ULK4: variants seen among roughly 807,000 people sequenced by gnomAD.
The protein encoded by ULK4 is unc-51 like kinase 4.
ULK4 carries 133 observed loss-of-function variants against 160.6 expected under a neutral mutation model. The observed-to-expected ratio is 0.83, with a 90% CI of 0.72 to 0.96. The LOEUF (loss-of-function observed/expected upper bound fraction) is 0.96. Ranked by LOEUF, ULK4 falls within the 40% of genes least tolerant of loss-of-function variation. The pLI is 0.00. For missense variants in ULK4, 1,580 were observed against 1,499.5 expected (o/e 1.05, Z -0.89); for synonymous variants, 534 against 539.8 (o/e 0.99, Z 0.15).
At chr3:41,760,246 T>C (rs1369611979) in intron 21 of ULK4, among the ~76,000 whole-genome samples, 4 of 152,126 alleles carry the variant, frequency 2.6e-5, no homozygotes, top group African/African-American at 9.6e-5. Context: ...TATGAGCTTA[T>C]TAGAATGACT....
At chr3:41,573,274 G>T (rs2088066590) in intron 31 of ULK4, among the ~76,000 whole-genome samples, 1 of 152,170 alleles carries the variant, frequency 6.6e-6, no homozygotes, top group Non-Finnish European at 1.5e-5. Context: ...AAAACTAATT[G>T]CTTCAGTGCT....
intron 32 of ULK4, among the ~76,000 whole-genome samples, chr3:41,518,731 GA>G (rs1559668677): frequency 6.6e-6 from 1 of 152,116 alleles, no homozygotes; most frequent in Admixed American, 6.5e-5. Context: ...TCAGTTAAGG[GA>G]AAAAAGAGTG....
chr3:41,774,382 A>T, intron 21 of ULK4, among the ~76,000 whole-genome samples: 1 of 150,392 alleles, frequency 6.6e-6, no homozygotes, highest in Non-Finnish European at 1.5e-5. Flanking sequence ...ACAAGAAAAA[A>T]CCAAACAACC....
intron 17 of ULK4, among the ~76,000 whole-genome samples, chr3:41,840,565 A>G (rs2041884269): frequency 6.6e-6 from 1 of 152,254 alleles, no homozygotes; most frequent in Admixed American, 6.5e-5. Flanking sequence ...TGGAGGAGAC[A>G]GGGTTTTGCC....
chr3:41,640,657 A>G (rs751728555), intron 30 of ULK4, among the ~76,000 whole-genome samples: 4 of 152,206 alleles, frequency 2.6e-5, no homozygotes, highest in Non-Finnish European at 5.9e-5. Context: ...TAATGAGCAG[A>G]TAATAAAATA....
intron 22 of ULK4, among the ~76,000 whole-genome samples, chr3:41,736,054 G>C (rs1031613328): frequency 5.9e-5 from 9 of 151,514 alleles, no homozygotes; most frequent in South Asian, 2.1e-4. Context: ...GTATTCCATG[G>C]TGTATATGTG....
chr3:41,577,161 T>C (rs2088218932), intron 31 of ULK4, among the ~76,000 whole-genome samples: 1 of 152,132 alleles, frequency 6.6e-6, no homozygotes. Context: ...AAAGCTAAAA[T>C]TTTAAAGAAT....
At chr3:41,455,358 C>T (rs1398039450) in intron 34 of ULK4, 139 bp downstream of exon 34, 19 of 726,212 alleles carry the variant, frequency 2.6e-5, no homozygotes, top group Non-Finnish European at 4.0e-5. Flanking sequence ...TTTTCCAGGC[C>T]AAATAATCTT....
chr3:41,409,212 C>A (rs528800785), intron 34 of ULK4, among the ~76,000 whole-genome samples: 1 of 152,190 alleles, frequency 6.6e-6, no homozygotes, highest in Middle Eastern at 3.4e-3. Context: ...GTGGAGATCA[C>A]GCCACTGCAC....
intron 31 of ULK4, among the ~76,000 whole-genome samples, chr3:41,597,493 G>A (rs4973976): frequency 0.32 from 49,123 of 152,048 alleles, 10,562 homozygotes; most frequent in African/African-American, 0.61. Flanking sequence ...TCCCAGGTTG[G>A]GTCTTTTAGG....
chr3:41,530,238 A>G (rs185005780), intron 32 of ULK4, among the ~76,000 whole-genome samples: 110 of 152,304 alleles, frequency 7.2e-4, no homozygotes, highest in African/African-American at 2.6e-3. Context: ...ACCTTAAAAA[A>G]CTTAAAACTA....
At chr3:41,843,529 C>A (rs1259948404) in intron 17 of ULK4, among the ~76,000 whole-genome samples, 2 of 152,030 alleles carry the variant, frequency 1.3e-5, no homozygotes, top group Non-Finnish European at 2.9e-5. Flanking sequence ...AGTGAAGCTG[C>A]GGACCTTCAT....
chr3:41,430,421 C>A (rs558332038), intron 34 of ULK4, among the ~76,000 whole-genome samples: 19 of 152,156 alleles, frequency 1.2e-4, no homozygotes, highest in Admixed American at 9.2e-4. Flanking sequence ...ACTTGGTTGC[C>A]CCAAAGTGCC....
intron 35 of ULK4, among the ~76,000 whole-genome samples, chr3:41,261,017 G>A (rs918623810): frequency 2.0e-5 from 3 of 152,174 alleles, no homozygotes; most frequent in African/African-American, 7.2e-5. Flanking sequence ...AACAGCAGAT[G>A]ACCTCTTGTT....
chr3:41,690,552 T>C (rs1559487583), intron 27 of ULK4, among the ~76,000 whole-genome samples: 2 of 151,846 alleles, frequency 1.3e-5, no homozygotes, highest in African/African-American at 2.4e-5. Context: ...TTTTGGCTTC[T>C]AGGCAGCCCT....
chr3:41,789,970 G>A, intron 20 of ULK4, 127 bp from the exon 21 acceptor site: 4 of 853,156 alleles, frequency 4.7e-6, no homozygotes, highest in Non-Finnish European at 6.5e-6. Context: ...TACTTATTTT[G>A]GCACAAGAAA....
chr3:41,439,692 G>A (rs2083119742), intron 34 of ULK4, among the ~76,000 whole-genome samples: 1 of 152,088 alleles, frequency 6.6e-6, no homozygotes, highest in South Asian at 2.1e-4. Context: ...TTTCAAAGTT[G>A]TTTTGACTAT....
At chr3:41,382,425 A>G (rs1559558044) in intron 35 of ULK4, among the ~76,000 whole-genome samples, 1 of 152,232 alleles carries the variant, frequency 6.6e-6, no homozygotes, top group African/African-American at 2.4e-5. Flanking sequence ...TAAAAGACAA[A>G]ATAAATTCAC....
chr3:41,874,901 C>A (rs1697244436), intron 17 of ULK4, among the ~76,000 whole-genome samples: 1 of 152,178 alleles, frequency 6.6e-6, no homozygotes, highest in Admixed American at 6.6e-5. Flanking sequence ...CAGTCAGGTG[C>A]AGTAGCTCAT....
Sources: gnomAD v4.1 joint callset for allele counts (sites outside exome capture counted in the v4.1 genomes callset) on GRCh38, gnomAD v4.1.1 for gene constraint, MANE v1.5 for transcripts, NCBI Gene and HGNC (gene_info 2026-07-23, HGNC 2026-07-21) for gene names.